Variants in ACSM6 observed in about 807,000 individuals in gnomAD.
ACSM6 encodes acyl-coenzyme A synthetase ACSM6, mitochondrial.
ACSM6 carries 35 observed loss-of-function variants against 51.1 expected under a neutral mutation model. The ratio of observed to expected loss-of-function variants is 0.69; its 90% CI spans 0.52 to 0.91. ACSM6 has a LOEUF of 0.91. ACSM6 is among the 40% of genes least tolerant of loss of function. The probability of loss-of-function intolerance (pLI) is 0.00; values close to 1 mark genes in which losing one functional copy is unlikely to be tolerated. For missense variants in ACSM6, 509 were observed against 584.1 expected (o/e 0.87, Z 1.32); for synonymous variants, 172 against 207.3 (o/e 0.83, Z 1.46).
chr10:95,212,330 C>T (rs1267488289), intron 6 of ACSM6, among the ~76,000 whole-genome samples: 1 of 152,186 alleles, frequency 6.6e-6, no homozygotes, highest in African/African-American at 2.4e-5. Flanking sequence ...TGATTACTTA[C>T]TGGCACTTCA....
chr10:95,210,806 C>G lies in ACSM6; in HGVS notation c.755+13C>G. ...GCCAGGCTTCCAGGTACGGTTCTCGCACAGCCTGTACAGGCCTGAAAGTTG... is the reference window on the plus strand; with the variant it reads ...GCCAGGCTTCCAGGTACGGTTCTCGGACAGCCTGTACAGGCCTGAAAGTTG... On this transcript the variant is annotated intron_variant, in intron 5 of 10. Coordinates refer to ENST00000341686, the Ensembl canonical transcript of ACSM6. 1.2e-6 allele frequency: 2 copies of G among 1,612,442 alleles called. No homozygotes were observed. The highest frequency in any genetic ancestry group is 1.7e-6 in the Non-Finnish European group (2 of 1,179,050).
intron 8 of ACSM6, 125 bp downstream of exon 8, chr10:95,215,100 A>G (rs2034931533): frequency 6.8e-6 from 8 of 1,181,458 alleles, no homozygotes; most frequent in Non-Finnish European, 9.4e-6. Context: ...CAGGAAGAGG[A>G]AATGGCTTAA....
chr10:95,195,660 G>A (rs959430612), intron 2 of ACSM6, among the ~76,000 whole-genome samples: 1 of 152,178 alleles, frequency 6.6e-6, no homozygotes, highest in African/African-American at 2.4e-5. Flanking sequence ...ATTTGCATGT[G>A]TAATATCTGA....
intron 10 of ACSM6, chr10:95,228,308 A>C (rs2035061757): frequency 5.3e-6 from 1 of 187,742 alleles, no homozygotes; most frequent in South Asian, 1.9e-4. Flanking sequence ...CTGAGAAAAT[A>C]GCAGCCAACA....
intron 8 of ACSM6, among the ~76,000 whole-genome samples, chr10:95,217,062 G>A (rs533997924): frequency 8.5e-5 from 13 of 152,316 alleles, no homozygotes; most frequent in Admixed American, 5.9e-4. Context: ...AGAAAATAGA[G>A]AAGTGGGCCA....
chr10:95,196,645 C>A (rs1157674260), intron 2 of ACSM6, among the ~76,000 whole-genome samples: 2 of 152,240 alleles, frequency 1.3e-5, no homozygotes, highest in South Asian at 2.1e-4. Flanking sequence ...CTATTTGTAA[C>A]CTGGAATCAC....
chr10:95,194,926 T>G (rs938120017), intron 2 of ACSM6, among the ~76,000 whole-genome samples: 10 of 152,256 alleles, frequency 6.6e-5, no homozygotes, highest in African/African-American at 2.4e-4. Flanking sequence ...ACCTTAGTTT[T>G]GTTATCAGTA....
intron 10 of ACSM6, among the ~76,000 whole-genome samples, chr10:95,227,696 T>G (rs56264187): frequency 0.042 from 6,415 of 152,314 alleles, 485 homozygotes; most frequent in African/African-American, 0.14. Flanking sequence ...TTATTAGAAC[T>G]CTAACAAGCA....
chr10:95,219,748 G>A, intron 8 of ACSM6, 143 bp from the exon 9 acceptor site: 3 of 593,188 alleles, frequency 5.1e-6, no homozygotes, highest in Non-Finnish European at 8.6e-6. Context: ...ACTCCTGCTT[G>A]ATTTTTTTTT....
At chr10:95,197,444 T>C (rs2034742899) in intron 2 of ACSM6, among the ~76,000 whole-genome samples, 1 of 152,086 alleles carries the variant, frequency 6.6e-6, no homozygotes, top group African/African-American at 2.4e-5. Context: ...AAGGAGAAGG[T>C]CAGCAACAAA....
At chr10:95,198,393 G>A (rs113133325) in intron 2 of ACSM6, among the ~76,000 whole-genome samples, 5 of 152,208 alleles carry the variant, frequency 3.3e-5, no homozygotes, top group Non-Finnish European at 7.3e-5. Context: ...GATCACGCCT[G>A]TAATCCCAGC....
chr10:95,216,257 CCCATCATGAGAGTG>C (rs765842311), intron 8 of ACSM6, among the ~76,000 whole-genome samples: 2 of 152,064 alleles, frequency 1.3e-5, no homozygotes, highest in Non-Finnish European at 2.9e-5. Flanking sequence ...GGGCACTAAT[CCCATCATGAGAGTG>C]CCACCCTCAT....
chr10:95,195,655 C>T (rs529648528), intron 2 of ACSM6, among the ~76,000 whole-genome samples: 4 of 152,292 alleles, frequency 2.6e-5, no homozygotes, highest in Non-Finnish European at 4.4e-5. Context: ...GAGTTATTTG[C>T]ATGTGTAATA....
intron 6 of ACSM6, 131 bp from the exon 7 acceptor site, chr10:95,212,727 A>G: frequency 3.0e-6 from 2 of 673,834 alleles, no homozygotes; most frequent in East Asian, 5.4e-5. Flanking sequence ...TTGAGATAAA[A>G]GGCATCCCCA....
chr10:95,226,819 CAT>C (rs1165127024), intron 10 of ACSM6, among the ~76,000 whole-genome samples: 2 of 152,160 alleles, frequency 1.3e-5, no homozygotes, highest in Non-Finnish European at 2.9e-5. Context: ...CATATTAACT[CAT>C]AATGCCACCA....
intron 2 of ACSM6, among the ~76,000 whole-genome samples, chr10:95,199,714 A>G (rs1044509721): frequency 2.6e-4 from 40 of 152,346 alleles, no homozygotes; most frequent in Non-Finnish European, 5.6e-4. Flanking sequence ...CACTTCTCAA[A>G]AGAAGACATT....
intron 10 of ACSM6, among the ~76,000 whole-genome samples, chr10:95,226,804 A>G (rs556736091): frequency 3.9e-5 from 6 of 152,328 alleles, no homozygotes; most frequent in African/African-American, 1.4e-4. Context: ...ACCAAAGAAG[A>G]AAAGCATATT....
At chr10:95,194,559 A>T in exon 2 of ACSM6, 1 of 1,551,904 alleles carries the variant, frequency 6.4e-7, no homozygotes, top group East Asian at 2.4e-5. Context: ...TGCTATCCAA[A>T]CCAAAAATGT....
intron 4 of ACSM6, among the ~76,000 whole-genome samples, chr10:95,208,933 TAAAAAAAAAAA>T (rs34370150): frequency 6.5e-4 from 22 of 33,926 alleles, no homozygotes; most frequent in East Asian, 2.0e-3. Flanking sequence ...CAGGGATGTT[TAAAAAAAAAAA>T]AAAAAAAAAA....
Sources: allele counts gnomAD v4.1 joint callset (sites outside exome capture counted in the v4.1 genomes callset), GRCh38; gene constraint gnomAD v4.1.1; transcripts MANE v1.5; gene names NCBI Gene and HGNC (gene_info 2026-07-23, HGNC 2026-07-21).